The following NRP1 variants were observed in gnomAD, a reference collection of about 807,000 sequenced individuals.
NRP1 encodes neuropilin 1.
A neutral mutation model predicts 106.7 loss-of-function variants in NRP1; 35 were observed. The ratio of observed to expected loss-of-function variants is 0.33; its 90% CI spans 0.25 to 0.43. The LOEUF (loss-of-function observed/expected upper bound fraction) is 0.43. Ranked by LOEUF, NRP1 falls within the 20% of genes least tolerant of loss-of-function variation. The pLI is 1.00. For missense variants in NRP1, 1,024 were observed against 1,170.4 expected, an observed-to-expected ratio of 0.87 and a Z score of 1.83; for synonymous variants, 437 against 417.9, an observed-to-expected ratio of 1.05 and a Z score of -0.56.
chr10:33,252,477 C>T (rs1018210859), intron 6 of NRP1, among the ~76,000 whole-genome samples: 1 of 152,122 alleles, frequency 6.6e-6, no homozygotes, highest in African/African-American at 2.4e-5. Flanking sequence ...TAGACACTGC[C>T]GTGGGGTCGA....
At chr10:33,275,442 C>T (rs1035473722) in intron 2 of NRP1, among the ~76,000 whole-genome samples, 1 of 152,168 alleles carries the variant, frequency 6.6e-6, no homozygotes, top group African/African-American at 2.4e-5. Flanking sequence ...GTGGCATGCA[C>T]TTGTAGTGCC....
At chr10:33,320,211 G>T (rs1847394555) in intron 2 of NRP1, among the ~76,000 whole-genome samples, 2 of 151,892 alleles carry the variant, frequency 1.3e-5, no homozygotes, top group Non-Finnish European at 2.9e-5. Context: ...TACTTGGGAG[G>T]CTGAGGCAGG....
chr10:33,317,962 C>T (rs1254682193), intron 2 of NRP1, among the ~76,000 whole-genome samples: 1 of 152,194 alleles, frequency 6.6e-6, no homozygotes, highest in Non-Finnish European at 1.5e-5. Flanking sequence ...AGGATGCAGA[C>T]GTTACTGTTT....
intron 2 of NRP1, among the ~76,000 whole-genome samples, chr10:33,317,461 A>G (rs1016743317): frequency 6.6e-6 from 1 of 152,228 alleles, no homozygotes; most frequent in Non-Finnish European, 1.5e-5. Flanking sequence ...ATCAGTTTAA[A>G]AACATTTATT....
chr10:33,211,582 C>T (rs1838304335), intron 9 of NRP1: 1 of 152,274 alleles, frequency 6.6e-6, no homozygotes, highest in African/African-American at 2.4e-5. Flanking sequence ...TCAGATATTT[C>T]TGATGGCACC....
intron 2 of NRP1, among the ~76,000 whole-genome samples, chr10:33,301,672 T>C (rs892039973): frequency 1.3e-5 from 2 of 152,028 alleles, no homozygotes; most frequent in Middle Eastern, 3.2e-3. Flanking sequence ...GGAGAGGAAT[T>C]AAAAAATTAA....
intron 9 of NRP1, among the ~76,000 whole-genome samples, chr10:33,210,224 T>C (rs1433350106): frequency 6.6e-6 from 1 of 151,938 alleles, no homozygotes; most frequent in Non-Finnish European, 1.5e-5. Context: ...AAATTCACTA[T>C]CGGGGTTCTG....
At chr10:33,291,955 G>C (rs1163973648) in intron 2 of NRP1, among the ~76,000 whole-genome samples, 1 of 152,212 alleles carries the variant, frequency 6.6e-6, no homozygotes, top group Non-Finnish European at 1.5e-5. Flanking sequence ...CCAGGCTGGA[G>C]TGCAGTGGTG....
chr10:33,207,540 G>A (rs745394406), intron 10 of NRP1, 32 bp downstream of exon 10: 7 of 1,611,236 alleles, frequency 4.3e-6, no homozygotes, highest in East Asian at 4.5e-5. Context: ...ATTTAAAAAC[G>A]CATGAGAAGT....
chr10:33,207,715 G>A lies in NRP1; in HGVS notation c.1616C>T (p.Ser539Phe). Reference protein sequence around the residue: ...IMDDSKRKAKSFEGNNNYDTP... With the variant: ...IMDDSKRKAKFFEGNNNYDTP... The stretch of plus-strand genomic sequence containing the variant: ...ATCATAGTTGTTGTTGCCCTCAAAA[G>A]ACTGTGAAGCATGGAAAACACAGGG... Residue 539 changes from serine (S) to phenylalanine (F), a missense_variant and splice_region_variant, in exon 10 of 17, where the codon TCT becomes TTT. Ser to Phe is a radical substitution (Grantham distance 155, BLOSUM62 -2). Around this residue, in one of 5 missense-constraint regions of NRP1, gnomAD observed 562 missense variants for 620.3 expected, o/e 0.91. Coordinates refer to ENST00000374867, the MANE Select transcript of NRP1 (RefSeq NM_003873.7). The A allele has an allele frequency of 6.2e-7, 1 of 1,612,380 alleles. No individual in the cohort carries two copies. Among genetic ancestry groups the A allele is most frequent in the Non-Finnish European group, 8.5e-7 (1 of 1,179,404 alleles).
chr10:33,287,066 T>C (rs750345104), intron 2 of NRP1, among the ~76,000 whole-genome samples: 6 of 152,204 alleles, frequency 3.9e-5, no homozygotes, highest in Non-Finnish European at 7.3e-5. Context: ...ATGGTCTTTA[T>C]ATCAATTACT....
At chr10:33,293,051 C>T (rs2132642612) in intron 2 of NRP1, among the ~76,000 whole-genome samples, 1 of 151,528 alleles carries the variant, frequency 6.6e-6, no homozygotes, top group African/African-American at 2.4e-5. Context: ...TTTCTGTAGT[C>T]CATAACCCCT....
At chr10:33,308,094 C>G (rs1383492389) in intron 2 of NRP1, among the ~76,000 whole-genome samples, 3 of 152,104 alleles carry the variant, frequency 2.0e-5, no homozygotes, top group Non-Finnish European at 4.4e-5. Context: ...AGGCCATCAT[C>G]CTAAATGAAC....
Position 33,178,558 on chromosome 10 carries a change from CTTAAA to C in NRP1, c.*1513_*1517del, listed in dbSNP as rs1443505335. 2 of 152,158 alleles carry C rather than the reference CTTAAA, an allele frequency of 1.3e-5. No homozygotes were observed. Among genetic ancestry groups the C allele is most frequent in the African/African-American group, 4.8e-5 (2 of 41,428 alleles). The allele number at this position is 152,158 out of a possible 1,614,324, so 9.4% of individuals were successfully genotyped here. On this transcript the variant is annotated 3_prime_UTR_variant, in exon 17 of 17. Coordinates refer to ENST00000374867, the MANE Select transcript of NRP1 (RefSeq NM_003873.7). ...AGGCATCAGGATTTATAGTTTCATT[CTTAAA>C]TTAACTGTTCTTCCTTCCACTTCCC...
At position 33,192,504 on chromosome 10, in the gene NRP1, C is replaced by T. The variant is rs954049097; in HGVS notation, c.1925-86G>A. 3 of 1,377,210 alleles carry T rather than the reference C, an allele frequency of 2.2e-6. No individual in the cohort carries two copies. In the Admixed American group the frequency reaches 6.0e-5, roughly 28 times the overall value. 85.3% of individuals were successfully genotyped at this position (1,377,210 alleles called of 1,614,324 possible). On this transcript the variant is annotated intron_variant, in intron 12 of 16. Transcript: ENST00000374867. ...GGGTCACAAAGGCCCTTGGTTCACT[C>T]ATGGAAAGCACGATTTATACAACTT...
At chr10:33,220,621 C>T (rs375701840) in intron 8 of NRP1, among the ~76,000 whole-genome samples, 36 of 152,234 alleles carry the variant, frequency 2.4e-4, no homozygotes, top group African/African-American at 7.9e-4. Context: ...ACAGGCTGGG[C>T]GCGGTGGCTC....
At chr10:33,302,192 A>G (rs946220078) in intron 2 of NRP1, among the ~76,000 whole-genome samples, 25 of 152,206 alleles carry the variant, frequency 1.6e-4, no homozygotes, top group African/African-American at 6.0e-4. Flanking sequence ...CACACATACA[A>G]ACTAGACGCA....
At chr10:33,185,846 A>C in intron 14 of NRP1, 122 bp from the exon 15 acceptor site, 2 of 845,448 alleles carry the variant, frequency 2.4e-6, no homozygotes, top group South Asian at 3.2e-5. Flanking sequence ...AGCGTAACAC[A>C]GACTTCACTC....
chr10:33,191,030 A>T (rs34217492), intron 13 of NRP1, among the ~76,000 whole-genome samples: 24,530 of 149,318 alleles, frequency 0.16, 2,268 homozygotes, highest in East Asian at 0.5. Flanking sequence ...TAAAAAAAAA[A>T]TTTATTTTGT....
Sources: gnomAD v4.1 joint callset for allele counts (sites outside exome capture counted in the v4.1 genomes callset) on GRCh38, gnomAD v4.1.1 for gene constraint, gnomAD v4.1.1 regional missense constraint, MANE v1.5 for transcripts, NCBI Gene and HGNC (gene_info 2026-07-23, HGNC 2026-07-21) for gene names.